The following ZYX variants were observed in gnomAD, a reference collection of about 807,000 sequenced individuals.
The protein encoded by ZYX is zyxin-2.
ZYX carries 37 observed loss-of-function variants against 58.1 expected under a neutral mutation model. That is an observed-to-expected ratio of 0.64 (90% CI 0.49 to 0.84). The LOEUF (loss-of-function observed/expected upper bound fraction) is 0.84, where lower values mean the gene tolerates loss of function less well. Ranked by LOEUF, ZYX falls within the 40% of genes least tolerant of loss-of-function variation. The pLI is 0.00. For synonymous variants in ZYX, 324 were observed against 321.1 expected (o/e 1.01, Z -0.10); for missense variants, 762 against 761.6 (o/e 1.00, Z -0.01).
intron 5 of ZYX, 122 bp downstream of exon 5, chr7:143,383,444 C>G: frequency 3.9e-5 from 35 of 890,532 alleles, no homozygotes; most frequent in East Asian, 3.4e-4. Flanking sequence ...TGCGGGGTGG[C>G]GGGATAGGAA....
At chr7:143,381,497 G>A in intron 1 of ZYX, 60 bp from the exon 2 acceptor site, 1 of 1,505,254 alleles carries the variant, frequency 6.6e-7, no homozygotes, top group Non-Finnish European at 8.9e-7. Context: ...AAGGGGAGCT[G>A]GGACCGCCTG....
chr7:143,385,660 C>CTTTTTTTT (rs59995035), intron 5 of ZYX, among the ~76,000 whole-genome samples: 942 of 68,954 alleles, frequency 0.014, 99 homozygotes, highest in Non-Finnish European at 0.017. Flanking sequence ...TGTGGTATAT[C>CTTTTTTTT]TTTTTTTTTT....
chr7:143,383,426 A>C, intron 5 of ZYX, 104 bp downstream of exon 5: 2 of 1,350,098 alleles, frequency 1.5e-6, no homozygotes, highest in Non-Finnish European at 2.0e-6. Flanking sequence ...CAGGGTGGAC[A>C]CGGGGGTTGC....
chr7:143,382,002 G>C, intron 2 of ZYX: 1 of 612,796 alleles, frequency 1.6e-6, no homozygotes, highest in Non-Finnish European at 2.8e-6. Flanking sequence ...CGGGAATGTG[G>C]GGCACGAATC....
Position 143,388,757 on chromosome 7 carries a change from G to A in ZYX, c.1315-10G>A. 1 of 1,611,718 alleles carries A rather than the reference G, an allele frequency of 6.2e-7. No homozygotes were observed. Among genetic ancestry groups the A allele is most frequent in the Non-Finnish European group, 8.5e-7 (1 of 1,178,448 alleles). On this transcript the variant is annotated splice_polypyrimidine_tract_variant and intron_variant, in intron 7 of 9. Coordinates refer to ENST00000322764, the MANE Select transcript of ZYX (RefSeq NM_003461.5). This position sits in a 1 kb window ranked among gnomAD's most constrained non-coding sequence, Gnocchi z 7.5. ...GGTTCCCTGCCAACCTCCTCCTGCT[G>A]CCTCCTCAGGACACCCTGGAGAAGT...
At chr7:143,382,470 G>A (rs773738467) in intron 3 of ZYX, 23 bp downstream of exon 3, 1 of 1,591,332 alleles carries the variant, frequency 6.3e-7, no homozygotes, top group South Asian at 1.1e-5. Flanking sequence ...GGGAGGGGCG[G>A]CTGCACTGGA....
chr7:143,382,078 C>A, intron 2 of ZYX, 170 bp from the exon 3 acceptor site: 1 of 632,846 alleles, frequency 1.6e-6, no homozygotes, highest in Non-Finnish European at 2.7e-6. Context: ...GTGCGCCCGG[C>A]CTTTCCTGAC....
Position 143,388,441 on chromosome 7 carries a change from C to T in ZYX, c.1145-48C>T. The stretch of plus-strand genomic sequence containing the variant: ...ATCTGAGCTGGCTGATCCCTCGCAG[C>T]TCTACATACTTCCTTCTATTTACTG... On this transcript the variant is annotated intron_variant, in intron 6 of 9. Transcript: ENST00000322764. This position sits in a 1 kb window ranked among gnomAD's most constrained non-coding sequence, Gnocchi z 7.5. 1 of 1,605,464 alleles carries T rather than the reference C, an allele frequency of 6.2e-7. No individual in the cohort carries two copies. The highest frequency in any genetic ancestry group is 8.5e-7 in the Non-Finnish European group (1 of 1,174,036).
At position 143,388,587 on chromosome 7, in the gene ZYX, T is replaced by A. The variant is rs1373427718; in HGVS notation, c.1243T>A (p.Cys415Ser). 1.9e-6 allele frequency: 3 copies of A among 1,612,656 alleles called. No homozygotes were observed. In the Admixed American group the frequency reaches 5.0e-5, roughly 27 times the overall value. ...CATCGCCTGCTTCACCTGCCACCAG[T>A]GTGCGCAGCAGCTCCAGGGCCAGCA... ...FHIACFTCHQCAQQLQGQQFY... is the reference protein window; with the variant it reads ...FHIACFTCHQSAQQLQGQQFY... Residue 415 changes from cysteine (C) to serine (S), a missense_variant, in exon 7 of 10, where the codon TGT becomes AGT. By Grantham distance (112) the Cys-to-Ser change is moderately radical (BLOSUM62 -1). Transcript: ENST00000322764. The surrounding 1 kb of genome is among the most constrained non-coding windows in gnomAD (Gnocchi z 7.5).
chr7:143,382,069 T>A, intron 2 of ZYX, 179 bp from the exon 3 acceptor site: 1 of 621,918 alleles, frequency 1.6e-6, no homozygotes, highest in Non-Finnish European at 2.7e-6. Context: ...TCCTCGGCAG[T>A]GCGCCCGGCC....
intron 2 of ZYX, 170 bp downstream of exon 2, chr7:143,381,949 G>A: frequency 1.4e-6 from 1 of 731,618 alleles, no homozygotes; most frequent in Non-Finnish European, 2.2e-6. Flanking sequence ...TGGGAGCCAG[G>A]GCTCCTGGGA....
At chr7:143,385,248 G>A (rs1397549150) in intron 5 of ZYX, among the ~76,000 whole-genome samples, 1 of 152,062 alleles carries the variant, frequency 6.6e-6, no homozygotes, top group Non-Finnish European at 1.5e-5. Context: ...GGAGAGAGTG[G>A]GTGGTGAGAA....
rs1033802710 is a variant in ZYX at position 143,384,033 on chromosome 7, G to T, written c.1023+711G>T. 1 of 390,744 alleles carries T rather than the reference G, an allele frequency of 2.6e-6. No individual in the cohort carries two copies. Among genetic ancestry groups the T allele is most frequent in the African/African-American group, 2.1e-5 (1 of 48,108 alleles). The allele number at this position is 390,744 out of a possible 1,614,324, so 24.2% of individuals were successfully genotyped here. A position where few individuals can be genotyped will look rare whatever the true frequency, so the allele number is the denominator to read the frequency against. On this transcript the variant is annotated intron_variant, in intron 5 of 9. Transcript: ENST00000322764. The surrounding 1 kb of genome is among the most constrained non-coding windows in gnomAD (Gnocchi z 4.9). ...TAGAGAGTGTTGGGTTCTGTATCTA[G>T]TACAGGAATGCTCAAAATAGAAAAG...
chr7:143,382,683 C>G lies in ZYX; in HGVS notation c.499C>G (p.Arg167Gly), dbSNP rs781638797. Residue 167 changes from arginine to glycine, a missense_variant and splice_region_variant, in exon 4 of 10, where the codon CGG becomes GGG. Coordinates refer to ENST00000322764, the MANE Select transcript of ZYX (RefSeq NM_003461.5). ...DMTKNDPFKA[R>G]VSSGYVPPPV... ...GACCAAGAATGATCCTTTCAAAGCC[C>G]GGGTAAGGGACCGGAGAGTAGGAAA... 6.2e-6 allele frequency: 10 copies of G among 1,613,944 alleles called. No individual in the cohort carries two copies. The highest frequency in any genetic ancestry group is 7.6e-6 in the Non-Finnish European group (9 of 1,179,982).
Position 143,387,449 on chromosome 7 carries a change from G to A in ZYX, c.1024-770G>A, listed in dbSNP as rs950285539. ...CTTGCTCCTGTGGGCGTGTCTCCCG[G>A]CAGTGCTGATGCAGGTCAGACAGCC... is the stretch of plus-strand genomic sequence containing the variant. On this transcript the variant is annotated intron_variant, in intron 5 of 9. Coordinates refer to ENST00000322764, the MANE Select transcript of ZYX (RefSeq NM_003461.5). The surrounding 1 kb of genome is among the most constrained non-coding windows in gnomAD (Gnocchi z 5.8). Among the ~76,000 whole-genome samples the A allele has an allele frequency of 2.0e-5, 3 of 152,160 alleles. No homozygotes were observed. The highest frequency in any genetic ancestry group is 4.4e-5 in the Non-Finnish European group (3 of 68,012).
In ZYX at chr7:143,382,389, C is replaced by G; in HGVS notation, c.350C>G (p.Pro117Arg). ...CTGGAGGAGGAGATCTTCCCTTCCC[C>G]GCCGCCTCCTCCGGAGGAGGAGGGA... Reference protein sequence around the residue: ...APLEEEIFPSPPPPPEEEGGP... With the variant: ...APLEEEIFPSRPPPPEEEGGP... The change falls in exon 3 of 10, where the codon CCG becomes CGG. Residue 117 changes from proline (P) to arginine (R), a missense_variant. Physicochemically the swap from Pro to Arg is moderately radical, Grantham distance 103 (BLOSUM62 -2). Coordinates refer to ENST00000322764, the MANE Select transcript of ZYX (RefSeq NM_003461.5). The G allele has an allele frequency of 1.9e-6, 3 of 1,580,188 alleles. No individual in the cohort carries two copies. Among genetic ancestry groups the G allele is most frequent in the Non-Finnish European group, 2.6e-6 (3 of 1,163,496 alleles).
chr7:143,389,131 C>A lies in ZYX; in HGVS notation c.1493+186C>A. Among the ~76,000 whole-genome samples the A allele has an allele frequency of 6.6e-6, 1 of 152,330 alleles. No individual in the cohort carries two copies. The highest frequency in any genetic ancestry group is 1.5e-5 in the Non-Finnish European group (1 of 68,032). On this transcript the variant is annotated intron_variant, in intron 8 of 9. Transcript: ENST00000322764. The surrounding 1 kb of genome is among the most constrained non-coding windows in gnomAD (Gnocchi z 5.6). ...GTCCAGGGGCCTTAGGCCTGGGCAT[C>A]GAGTCCTGCTGCTGTCTGGTCCCTC...
rs1436350308 is a variant in ZYX, at chr7:143,383,195, C to T, written c.896C>T (p.Pro299Leu). ...GSQPNQKLGH[P>L]EALSAGTGSP... ...CAACCAAATCAAAAATTGGGGCACC[C>T]CGAAGCTCTTTCTGCTGGCACAGGC... The change falls in exon 5 of 10, where the codon CCC (proline) becomes CTC (leucine). Residue 299 changes from proline to leucine, a missense_variant. Coordinates refer to ENST00000322764, the MANE Select transcript of ZYX (RefSeq NM_003461.5). 1 of 1,614,062 alleles carries T rather than the reference C, an allele frequency of 6.2e-7. No individual in the cohort carries two copies. Among genetic ancestry groups the T allele is most frequent in the Non-Finnish European group, 8.5e-7 (1 of 1,180,044 alleles).
chr7:143,386,622 G>A (rs1311740571), intron 5 of ZYX, among the ~76,000 whole-genome samples: 4 of 152,088 alleles, frequency 2.6e-5, no homozygotes, highest in Non-Finnish European at 5.9e-5. Context: ...GCGGGTGGCT[G>A]CAGGTGCCCG....
Sources: gnomAD v4.1 joint callset for allele counts (sites outside exome capture counted in the v4.1 genomes callset) on GRCh38, gnomAD v4.1.1 for gene constraint, Gnocchi (gnomAD v3.1) non-coding constraint, MANE v1.5 for transcripts, NCBI Gene and HGNC (gene_info 2026-07-23, HGNC 2026-07-21) for gene names.